Variants in STIM1 observed in about 807,000 individuals in gnomAD.
The protein encoded by STIM1 is stromal interaction molecule 1.
In STIM1, 25 loss-of-function variants were observed where a neutral mutation model predicts 74.7. The observed-to-expected ratio is 0.33, with a 90% CI of 0.24 to 0.47. STIM1 has a LOEUF of 0.47. Among genes scored for constraint, STIM1 ranks in the 20% least tolerant of loss-of-function variants. STIM1 has a pLI of 1.00. For missense variants in STIM1, 728 were observed against 920.8 expected (o/e 0.79, Z 2.71); for synonymous variants, 328 against 348.8 (o/e 0.94, Z 0.66).
chr11:3,965,509 A>C (rs2093331100), intron 1 of STIM1, among the ~76,000 whole-genome samples: 1 of 152,224 alleles, frequency 6.6e-6, no homozygotes, highest in African/African-American at 2.4e-5. Flanking sequence ...AAAAAGCTCT[A>C]ATATGCAATT....
chr11:4,016,279 A>G (rs1243933464), intron 2 of STIM1, among the ~76,000 whole-genome samples: 1 of 152,054 alleles, frequency 6.6e-6, no homozygotes, highest in East Asian at 1.9e-4. Flanking sequence ...TCTGTTTGTT[A>G]ATTTTCCTTC....
intron 1 of STIM1, among the ~76,000 whole-genome samples, chr11:3,862,109 T>TA (rs1215863911): frequency 5.9e-5 from 9 of 152,142 alleles, no homozygotes; most frequent in Admixed American, 4.6e-4. Context: ...TACTGTTGAT[T>TA]AAAAAAATCA....
intron 1 of STIM1, among the ~76,000 whole-genome samples, chr11:3,880,535 A>G (rs2091462170): frequency 1.3e-5 from 2 of 152,338 alleles, no homozygotes; most frequent in Middle Eastern, 3.4e-3. Context: ...CTTTGGCATT[A>G]GAATTGTTGG....
chr11:3,969,302 C>G (rs2093368995), intron 2 of STIM1, among the ~76,000 whole-genome samples: 1 of 151,330 alleles, frequency 6.6e-6, no homozygotes, highest in Non-Finnish European at 1.5e-5. Flanking sequence ...CTGGACAACA[C>G]AGCGAGACCC....
rs781041401 is a variant in STIM1, at chr11:3,856,181, A to T, written c.-90A>T. On this transcript the variant is annotated 5_prime_UTR_variant, in exon 1 of 13. Coordinates refer to ENST00000526596, the MANE Select transcript of STIM1 (RefSeq NM_001382567.1). ...GGAGCCGCGAGGGCATCTTGCCTGGAGACCGTCGGCTGCACTCCCGGGCTC... is the reference window on the plus strand; with the variant it reads ...GGAGCCGCGAGGGCATCTTGCCTGGTGACCGTCGGCTGCACTCCCGGGCTC... 6.4e-7 allele frequency: 1 copy of T among 1,573,290 alleles called. No homozygotes were observed. Among genetic ancestry groups the T allele is most frequent in the Non-Finnish European group, 8.7e-7 (1 of 1,149,092 alleles).
chr11:3,913,311 C>G (rs2092594801), intron 1 of STIM1, among the ~76,000 whole-genome samples: 1 of 152,070 alleles, frequency 6.6e-6, no homozygotes, highest in African/African-American at 2.4e-5. Context: ...CCTCAGCCTC[C>G]TGAGTAGCTG....
chr11:3,960,772 A>G (rs2093276737), intron 1 of STIM1, among the ~76,000 whole-genome samples: 1 of 152,176 alleles, frequency 6.6e-6, no homozygotes, highest in South Asian at 2.1e-4. Context: ...ACAACACATC[A>G]CAATAGGTTG....
At chr11:4,069,111 T>C (rs551779201) in intron 5 of STIM1, among the ~76,000 whole-genome samples, 14 of 152,272 alleles carry the variant, frequency 9.2e-5, no homozygotes, top group African/African-American at 3.1e-4. Context: ...GCTGTCTCCT[T>C]CTTATAGTGC....
chr11:3,928,068 C>T (rs1192349534), intron 1 of STIM1, among the ~76,000 whole-genome samples: 2 of 152,146 alleles, frequency 1.3e-5, no homozygotes, highest in African/African-American at 4.8e-5. Context: ...AAAGTAAGTG[C>T]TTAGTAAACC....
intron 2 of STIM1, among the ~76,000 whole-genome samples, chr11:3,999,055 A>G (rs1303882029): frequency 6.6e-6 from 1 of 152,244 alleles, no homozygotes; most frequent in East Asian, 1.9e-4. Context: ...GTAAAACTTT[A>G]TGAAAACTGG....
chr11:4,050,972 T>TGAG (rs891854860), intron 3 of STIM1, among the ~76,000 whole-genome samples: 1 of 151,862 alleles, frequency 6.6e-6, no homozygotes, highest in African/African-American at 2.4e-5. Flanking sequence ...TTGAGTGGGC[T>TGAG]GAGGAGGAGG....
chr11:3,918,848 T>G (rs988813987), intron 1 of STIM1, among the ~76,000 whole-genome samples: 3 of 152,156 alleles, frequency 2.0e-5, no homozygotes, highest in African/African-American at 7.2e-5. Context: ...TAGTTTTAAG[T>G]CAACAAAATT....
intron 3 of STIM1, among the ~76,000 whole-genome samples, chr11:4,054,056 ATTC>A (rs2094267844): frequency 6.6e-6 from 1 of 152,216 alleles, no homozygotes; most frequent in Non-Finnish European, 1.5e-5. Context: ...GAGCAACTGA[ATTC>A]TTAATTTATT....
intron 1 of STIM1, among the ~76,000 whole-genome samples, chr11:3,884,777 A>G (rs2091640918): frequency 6.7e-6 from 1 of 148,390 alleles, no homozygotes. Context: ...GCCAGACCCC[A>G]TCTCAAAAAA....
intron 1 of STIM1, among the ~76,000 whole-genome samples, chr11:3,857,909 A>G (rs2090447624): frequency 6.6e-6 from 1 of 152,142 alleles, no homozygotes; most frequent in Admixed American, 6.5e-5. Context: ...TGCTTTCTAG[A>G]TAGATCCTTT....
intron 1 of STIM1, among the ~76,000 whole-genome samples, chr11:3,875,772 C>A (rs2091289887): frequency 6.7e-6 from 1 of 149,968 alleles, no homozygotes; most frequent in Non-Finnish European, 1.5e-5. Flanking sequence ...ATCAAACCAA[C>A]AACAAAATAT....
At chr11:4,015,484 C>T (rs1490168622) in intron 2 of STIM1, among the ~76,000 whole-genome samples, 2 of 152,164 alleles carry the variant, frequency 1.3e-5, no homozygotes, top group Non-Finnish European at 2.9e-5. Context: ...ACATTTTTTC[C>T]TTCATTTCCA....
chr11:4,070,242 G>C, intron 6 of STIM1, 39 bp downstream of exon 6: 3 of 1,611,890 alleles, frequency 1.9e-6, no homozygotes, highest in Non-Finnish European at 8.5e-7. Context: ...GGCCCTGCCA[G>C]TTCTTGGGAA....
chr11:4,084,365 C>T (rs527358534), intron 10 of STIM1, among the ~76,000 whole-genome samples: 3 of 152,180 alleles, frequency 2.0e-5, no homozygotes, highest in Admixed American at 6.5e-5. Context: ...GATTCCCACT[C>T]GAGACAGAAT....
Sources: allele counts gnomAD v4.1 joint callset (sites outside exome capture counted in the v4.1 genomes callset), GRCh38; gene constraint gnomAD v4.1.1; transcripts MANE v1.5; gene names NCBI Gene and HGNC (gene_info 2026-07-23, HGNC 2026-07-21).